Variants in FHIT observed in about 807,000 individuals in gnomAD.
FHIT encodes the protein bis(5'-adenosyl)-triphosphatase.
Under a neutral mutation model 17.9 loss-of-function variants are expected in FHIT, and 19 were observed. The ratio of observed to expected loss-of-function variants is 1.06; its 90% confidence interval spans 0.74 to 1.56. The LOEUF (loss-of-function observed/expected upper bound fraction) is 1.56, where lower values mean the gene tolerates loss of function less well. Among genes scored for constraint, FHIT ranks in the 40% most tolerant of loss-of-function variants. The pLI, the probability that FHIT is intolerant of heterozygous loss-of-function variation, is 0.00. For synonymous variants in FHIT, 81 were observed against 69.7 expected, an observed-to-expected ratio of 1.16 and a Z score of -0.81; for missense variants, 248 against 189.2, an observed-to-expected ratio of 1.31 and a Z score of -1.82.
At chr3:60,982,394 T>C (rs1710534069) in intron 3 of FHIT, among the ~76,000 whole-genome samples, 2 of 152,254 alleles carry the variant, frequency 1.3e-5, no homozygotes, top group South Asian at 4.1e-4. Flanking sequence ...TTCCTACACA[T>C]GGAAAGTTAC....
At chr3:60,348,036 G>A (rs1034749150) in intron 5 of FHIT, among the ~76,000 whole-genome samples, 26 of 152,062 alleles carry the variant, frequency 1.7e-4, no homozygotes, top group African/African-American at 5.8e-4. Context: ...TGGGATTACA[G>A]GTGTGAGCCA....
intron 5 of FHIT, among the ~76,000 whole-genome samples, chr3:60,290,931 G>A (rs577084193): frequency 6.6e-6 from 1 of 152,296 alleles, no homozygotes; most frequent in Admixed American, 6.5e-5. Flanking sequence ...GGCTGGAGGA[G>A]TGAAGTCCAA....
At chr3:60,866,101 C>A (rs1357827656) in intron 3 of FHIT, among the ~76,000 whole-genome samples, 1 of 152,098 alleles carries the variant, frequency 6.6e-6, no homozygotes, top group Non-Finnish European at 1.5e-5. Flanking sequence ...GCCACAAATA[C>A]ACTGAGGGTT....
rs1281041575 is a variant in FHIT at position 60,633,346 on chromosome 3, A to C, written c.-17-96367T>G. Reference sequence around the variant, plus strand: ...GAGGAATAATGAAAGCTCCACAACTACTGCAAAAGCTAAATCAAATAATAT... The same window carrying C: ...GAGGAATAATGAAAGCTCCACAACTCCTGCAAAAGCTAAATCAAATAATAT... On this transcript the variant is annotated intron_variant, in intron 4 of 9. Transcript: ENST00000492590. Among the ~76,000 whole-genome samples, 3 of 152,290 alleles carry C rather than the reference A, an allele frequency of 2.0e-5. No homozygotes were observed. In the East Asian group the frequency reaches 5.8e-4, roughly 29 times the overall value.
intron 7 of FHIT, among the ~76,000 whole-genome samples, chr3:59,986,516 TATATATATATATATATATATATATACAC>T (rs774890751): frequency 0.52 from 12,973 of 24,714 alleles, 2,003 homozygotes; most frequent in Non-Finnish European, 0.55. Context: ...TATATATATA[TATATATATATATATATATATATATACAC>T]ACACACACAC....
chr3:59,905,798 C>T (rs185297536), intron 8 of FHIT, among the ~76,000 whole-genome samples: 1 of 152,144 alleles, frequency 6.6e-6, no homozygotes, highest in Non-Finnish European at 1.5e-5. Context: ...TCAACGTTCA[C>T]AGCTTAAAGA....
intron 4 of FHIT, among the ~76,000 whole-genome samples, chr3:60,642,086 A>C (rs782044911): frequency 6.6e-6 from 1 of 152,080 alleles, no homozygotes; most frequent in Non-Finnish European, 1.5e-5. Context: ...CTTCCATGGG[A>C]GTAAACATCC....
At chr3:60,766,859 T>C (rs1412793341) in intron 4 of FHIT, among the ~76,000 whole-genome samples, 1 of 152,208 alleles carries the variant, frequency 6.6e-6, no homozygotes, top group Non-Finnish European at 1.5e-5. Context: ...CCTGAAGAAG[T>C]CACAGTTCAG....
chr3:59,800,134 G>A (rs1187845063), intron 8 of FHIT, among the ~76,000 whole-genome samples: 4 of 152,100 alleles, frequency 2.6e-5, no homozygotes, highest in East Asian at 3.9e-4. Flanking sequence ...GTGCTTGCTC[G>A]GTATTATTTA....
At chr3:60,788,545 A>G (rs1481062973) in intron 4 of FHIT, among the ~76,000 whole-genome samples, 1 of 152,152 alleles carries the variant, frequency 6.6e-6, no homozygotes, top group African/African-American at 2.4e-5. Context: ...GGTGTTATAC[A>G]CCTGTTGTAA....
intron 2 of FHIT, among the ~76,000 whole-genome samples, chr3:61,144,670 G>T (rs2037177633): frequency 6.6e-6 from 1 of 152,164 alleles, no homozygotes; most frequent in South Asian, 2.1e-4. Flanking sequence ...CAAAACATAT[G>T]AGGGTTTTAA....
At chr3:60,926,262 A>C (rs1553769842) in intron 3 of FHIT, among the ~76,000 whole-genome samples, 1 of 152,232 alleles carries the variant, frequency 6.6e-6, no homozygotes, top group East Asian at 1.9e-4. Flanking sequence ...CATTCTTTTC[A>C]GCACCACACC....
intron 2 of FHIT, among the ~76,000 whole-genome samples, chr3:61,188,684 T>G (rs1358836086): frequency 4.5e-4 from 69 of 152,222 alleles, no homozygotes; most frequent in Non-Finnish European, 2.9e-5. Context: ...AAATCCTCAA[T>G]AAAATACTGG....
At chr3:61,085,236 G>A (rs542274236) in intron 2 of FHIT, among the ~76,000 whole-genome samples, 1 of 152,110 alleles carries the variant, frequency 6.6e-6, no homozygotes, top group Non-Finnish European at 1.5e-5. Context: ...GTTTTCCAAA[G>A]TAGCTGTACC....
At chr3:59,915,609 A>G (rs1042257950) in intron 8 of FHIT, among the ~76,000 whole-genome samples, 26 of 152,158 alleles carry the variant, frequency 1.7e-4, no homozygotes, top group Non-Finnish European at 3.1e-4. Context: ...CACTACCATT[A>G]TAGCCCTCCA....
chr3:60,172,977 A>T (rs1477934567), intron 5 of FHIT, among the ~76,000 whole-genome samples: 1 of 152,212 alleles, frequency 6.6e-6, no homozygotes, highest in African/African-American at 2.4e-5. Flanking sequence ...GGTAACGAAT[A>T]AAACACATTC....
At chr3:60,170,602 T>C (rs561146093) in intron 5 of FHIT, among the ~76,000 whole-genome samples, 14 of 152,306 alleles carry the variant, frequency 9.2e-5, no homozygotes, top group Admixed American at 2.6e-4. Context: ...ATTTTTTTAA[T>C]GATTATTTGT....
At chr3:60,248,912 G>C (rs145454888) in intron 5 of FHIT, among the ~76,000 whole-genome samples, 1 of 152,094 alleles carries the variant, frequency 6.6e-6, no homozygotes, top group Non-Finnish European at 1.5e-5. Flanking sequence ...GAAAAGGTGA[G>C]ACCTGGAGAA....
rs1229471970 is a variant in FHIT at position 60,131,624 on chromosome 3, A to C, written c.104-117472T>G. The stretch of plus-strand genomic sequence containing the variant: ...CCCTGCTATAAGGTGGCACCCACAG[A>C]TATGTCTCCTTCTCTTTTGCCTAAG... On this transcript the variant is annotated intron_variant, in intron 5 of 9. Coordinates refer to ENST00000492590, the MANE Select transcript of FHIT (RefSeq NM_002012.4). Among the ~76,000 whole-genome samples the C allele has an allele frequency of 2.0e-5, 3 of 152,064 alleles. No homozygotes were observed. In the South Asian group the frequency reaches 6.2e-4, roughly 32 times the overall value.
Sources: allele counts gnomAD v4.1 joint callset (sites outside exome capture counted in the v4.1 genomes callset), GRCh38; gene constraint gnomAD v4.1.1; transcripts MANE v1.5; gene names NCBI Gene and HGNC (gene_info 2026-07-23, HGNC 2026-07-21).